Variants in WNK2 observed in about 807,000 individuals in gnomAD.
WNK2 encodes the protein serine/threonine-protein kinase WNK2.
In WNK2, 67 loss-of-function variants were observed where a neutral mutation model predicts 192.1. That is an observed-to-expected ratio of 0.35 (90% CI 0.29 to 0.43). The LOEUF (loss-of-function observed/expected upper bound fraction) is 0.43, where lower values mean the gene tolerates loss of function less well. Among genes scored for constraint, WNK2 ranks in the 20% least tolerant of loss-of-function variants. The pLI is 1.00. For synonymous variants in WNK2, 1,439 were observed against 1,393.9 expected (o/e 1.03, Z -0.72); for missense variants, 2,698 against 3,089.7 (o/e 0.87, Z 3.01).
intron 7 of WNK2, among the ~76,000 whole-genome samples, chr9:93,243,080 G>A (rs748840508): frequency 3.9e-5 from 6 of 152,190 alleles, no homozygotes; most frequent in Non-Finnish European, 7.3e-5. Context: ...CAACATGGGT[G>A]GTGCAGCCTG....
chr9:93,286,428 G>A (rs374939120), intron 19 of WNK2, among the ~76,000 whole-genome samples: 11 of 152,158 alleles, frequency 7.2e-5, no homozygotes, highest in East Asian at 5.8e-4. Flanking sequence ...ATTGAATTAA[G>A]TATTATCAGG....
intron 8 of WNK2, among the ~76,000 whole-genome samples, chr9:93,249,100 T>A (rs752870739): frequency 1.3e-5 from 2 of 152,226 alleles, no homozygotes; most frequent in Non-Finnish European, 2.9e-5. Flanking sequence ...ACATTATTGC[T>A]CCATTTTCTG....
intron 19 of WNK2, among the ~76,000 whole-genome samples, chr9:93,283,593 C>T (rs1271182802): frequency 6.6e-6 from 1 of 152,182 alleles, no homozygotes; most frequent in Non-Finnish European, 1.5e-5. Context: ...GTGCTATAAA[C>T]ATTAAAAAGT....
At chr9:93,222,930 C>T (rs921315328) in intron 2 of WNK2, among the ~76,000 whole-genome samples, 10 of 152,198 alleles carry the variant, frequency 6.6e-5, no homozygotes, top group Non-Finnish European at 1.2e-4. Flanking sequence ...GATCTGCCCG[C>T]GTCGGCCTTC....
At chr9:93,189,360 T>C (rs1177870606) in intron 2 of WNK2, among the ~76,000 whole-genome samples, 5 of 152,184 alleles carry the variant, frequency 3.3e-5, no homozygotes, top group Admixed American at 2.6e-4. Context: ...CGTACATTCC[T>C]TGATCCTCAG....
rs1431989577 is a variant in WNK2, at chr9:93,299,065, C to T, written c.5924-5C>T. ...GTGCCTGTCGCCTCTTCTCCCCCCG[C>T]CCAGGTCACTTGGCTGACTCCAGCA... On this transcript the variant is annotated splice_region_variant and splice_polypyrimidine_tract_variant and intron_variant, in intron 24 of 29. Transcript: ENST00000427277. 1.9e-6 allele frequency: 3 copies of T among 1,608,776 alleles called. No homozygotes were observed. The highest frequency in any genetic ancestry group is 1.7e-6 in the Non-Finnish European group (2 of 1,178,550).
rs754878750 is a variant in WNK2, at chr9:93,257,001, C to A, written c.2244C>A (p.Pro748=). The A allele has an allele frequency of 6.3e-7, 1 of 1,599,374 alleles. No homozygotes were observed. Among genetic ancestry groups the A allele is most frequent in the South Asian group, 1.1e-5 (1 of 89,812 alleles). Reference sequence around the variant, plus strand: ...TGCCGCAGGTCCTGGCCCCACAGCCCGTGGTCCCCCTCCAGCCGGTTCCCC... The same window carrying A: ...TGCCGCAGGTCCTGGCCCCACAGCCAGTGGTCCCCCTCCAGCCGGTTCCCC... ...TPLPQVLAPQ[P]VVPLQPVPPH... The change falls in exon 11 of 30, where the codon CCC becomes CCA. Residue 748 remains proline (P), a synonymous_variant. Transcript: ENST00000427277. This position sits in a 1 kb window ranked among gnomAD's most constrained non-coding sequence, Gnocchi z 4.7.
intron 19 of WNK2, among the ~76,000 whole-genome samples, chr9:93,277,804 C>G (rs1847167664): frequency 6.6e-6 from 1 of 152,146 alleles, no homozygotes; most frequent in South Asian, 2.1e-4. Context: ...AACTCTACCC[C>G]TAAAGAAAAA....
intron 19 of WNK2, among the ~76,000 whole-genome samples, chr9:93,276,281 A>G (rs1261054306): frequency 6.6e-6 from 1 of 152,232 alleles, no homozygotes; most frequent in African/African-American, 2.4e-5. Flanking sequence ...GAGCCCAGAA[A>G]TAGACCCACA....
At chr9:93,295,466 C>G (rs922053467) in intron 23 of WNK2, among the ~76,000 whole-genome samples, 2 of 151,926 alleles carry the variant, frequency 1.3e-5, no homozygotes, top group African/African-American at 2.4e-5. Flanking sequence ...AAACAAAAAG[C>G]CTATGTGGCA....
chr9:93,299,431 G>A (rs759114418), intron 25 of WNK2, among the ~76,000 whole-genome samples, 170 bp downstream of exon 25: 11 of 152,204 alleles, frequency 7.2e-5, no homozygotes, highest in Non-Finnish European at 1.3e-4. Context: ...TTGGATGAAA[G>A]GAATGGAATT....
At chr9:93,271,635 AAGAT>A (rs1218157160) in intron 19 of WNK2, among the ~76,000 whole-genome samples, 6 of 152,262 alleles carry the variant, frequency 3.9e-5, no homozygotes, top group Non-Finnish European at 7.3e-5. Flanking sequence ...ACAGGGGAGA[AAGAT>A]AGAGAAAAAT....
At chr9:93,232,467 G>A (rs767458522) in intron 4 of WNK2, among the ~76,000 whole-genome samples, 4 of 152,210 alleles carry the variant, frequency 2.6e-5, no homozygotes, top group African/African-American at 4.8e-5. Context: ...TGAGCTCTGT[G>A]CACTTTCTGG....
At chr9:93,304,932 G>T (rs35566702) in intron 26 of WNK2, among the ~76,000 whole-genome samples, 2 of 151,978 alleles carry the variant, frequency 1.3e-5, no homozygotes, top group Non-Finnish European at 2.9e-5. Flanking sequence ...GGAAGGGCCC[G>T]TGGAGGCCTC....
Position 93,308,477 on chromosome 9 carries a change from G to T in WNK2, c.6409G>T (p.Val2137Leu). Residue 2137 changes from valine to leucine, a missense_variant, in exon 28 of 30, where the codon GTG becomes TTG. Physicochemically the swap from Val to Leu is conservative, Grantham distance 32. Transcript: ENST00000427277. ...GGTGGACGAGTGGACGAGCAAGACG[G>T]TGGGGGCCGCGCAGCTGAAGCCCAC... ...KLVDEWTSKT[V>L]GAAQLKPTLN... The T allele has an allele frequency of 1.9e-6, 3 of 1,609,724 alleles. No individual in the cohort carries two copies. Among genetic ancestry groups the T allele is most frequent in the Non-Finnish European group, 2.5e-6 (3 of 1,178,546 alleles).
intron 15 of WNK2, 82 bp from the exon 16 acceptor site, chr9:93,263,834 GA>G: frequency 3.6e-6 from 2 of 552,256 alleles, no homozygotes; most frequent in Admixed American, 2.8e-5. Context: ...GGGTGGGGGG[GA>G]GGGGTACTTG....
chr9:93,302,018 T>C (rs1851696340), intron 26 of WNK2, among the ~76,000 whole-genome samples: 1 of 152,226 alleles, frequency 6.6e-6, no homozygotes, highest in Non-Finnish European at 1.5e-5. Context: ...TCTGCCACTC[T>C]CCTGGGATGT....
At chr9:93,310,801 A>G (rs1246321769) in intron 28 of WNK2, among the ~76,000 whole-genome samples, 5 of 152,326 alleles carry the variant, frequency 3.3e-5, no homozygotes, top group Non-Finnish European at 7.3e-5. Context: ...AGTATGTATC[A>G]GAACTTTTTA....
intron 2 of WNK2, among the ~76,000 whole-genome samples, chr9:93,224,443 C>T (rs1365380892): frequency 6.6e-6 from 1 of 152,146 alleles, no homozygotes; most frequent in Non-Finnish European, 1.5e-5. Context: ...TCGAAGGCAA[C>T]CCCTGATGTG....
Sources: gnomAD v4.1 joint callset for allele counts (sites outside exome capture counted in the v4.1 genomes callset) on GRCh38, gnomAD v4.1.1 for gene constraint, Gnocchi (gnomAD v3.1) non-coding constraint, MANE v1.5 for transcripts, NCBI Gene and HGNC (gene_info 2026-07-23, HGNC 2026-07-21) for gene names.